Variants in CTNNBL1 observed in about 807,000 individuals in gnomAD.
The protein encoded by CTNNBL1 is beta-catenin-like protein 1.
A neutral mutation model predicts 72.7 loss-of-function variants in CTNNBL1; 31 were observed. The ratio of observed to expected loss-of-function variants is 0.43; its 90% CI spans 0.32 to 0.58. The LOEUF (loss-of-function observed/expected upper bound fraction) is 0.58. CTNNBL1 is among the 20% of genes least tolerant of loss of function. The pLI, the probability that CTNNBL1 is intolerant of heterozygous loss-of-function variation, is 0.08. For missense variants in CTNNBL1, 534 were observed against 725.1 expected (o/e 0.74, Z 3.03); for synonymous variants, 240 against 267.3 (o/e 0.90, Z 1.00).
chr20:37,868,921 C>G (rs528947001), intron 15 of CTNNBL1, among the ~76,000 whole-genome samples: 1 of 152,088 alleles, frequency 6.6e-6, no homozygotes, highest in Non-Finnish European at 1.5e-5. Context: ...ACCATGCCTC[C>G]GGGGATATTA....
intron 10 of CTNNBL1, among the ~76,000 whole-genome samples, chr20:37,779,733 G>A (rs1179546204): frequency 6.6e-6 from 1 of 152,096 alleles, no homozygotes; most frequent in Non-Finnish European, 1.5e-5. Flanking sequence ...TTTATTGAAA[G>A]CAGCGTATCA....
At chr20:37,729,199 A>T (rs1198339261) in intron 1 of CTNNBL1, among the ~76,000 whole-genome samples, 1 of 152,222 alleles carries the variant, frequency 6.6e-6, no homozygotes, top group East Asian at 1.9e-4. Flanking sequence ...GAATCTTGGT[A>T]GATTAGCAGT....
At chr20:37,713,547 T>G (rs1175919147) in intron 1 of CTNNBL1, among the ~76,000 whole-genome samples, 1 of 152,214 alleles carries the variant, frequency 6.6e-6, no homozygotes, top group African/African-American at 2.4e-5. Flanking sequence ...CTGAATGTAC[T>G]GAGCATAGCT....
intron 10 of CTNNBL1, among the ~76,000 whole-genome samples, chr20:37,789,886 A>G (rs2073708551): frequency 6.6e-6 from 1 of 152,218 alleles, no homozygotes. Flanking sequence ...TGTTCCAGTT[A>G]GAAAGAGAAG....
chr20:37,803,127 T>C (rs1600497589), intron 11 of CTNNBL1, 79 bp downstream of exon 11: 3 of 1,324,630 alleles, frequency 2.3e-6, no homozygotes, highest in East Asian at 2.4e-5. Flanking sequence ...TGAAAAATTC[T>C]GACGTGTTTG....
chr20:37,793,247 G>A (rs2073741596), intron 10 of CTNNBL1, among the ~76,000 whole-genome samples: 2 of 152,014 alleles, frequency 1.3e-5, no homozygotes. Flanking sequence ...CTGTAATTCG[G>A]GATATGTCTA....
chr20:37,713,446 G>A (rs1282268594), intron 1 of CTNNBL1, among the ~76,000 whole-genome samples: 1 of 152,210 alleles, frequency 6.6e-6, no homozygotes, highest in East Asian at 1.9e-4. Context: ...GGCGGTTGAG[G>A]AAGTCTTATT....
At chr20:37,865,257 C>T (rs182197280) in intron 15 of CTNNBL1, among the ~76,000 whole-genome samples, 7 of 152,198 alleles carry the variant, frequency 4.6e-5, no homozygotes, top group South Asian at 2.1e-4. Flanking sequence ...CTGACCATAG[C>T]GCAAAGCAGA....
intron 7 of CTNNBL1, among the ~76,000 whole-genome samples, chr20:37,775,417 A>T (rs1311133482): frequency 6.6e-6 from 1 of 152,186 alleles, no homozygotes; most frequent in Non-Finnish European, 1.5e-5. Flanking sequence ...CTCCTGGTTA[A>T]TGCAGTGTTC....
At chr20:37,711,751 G>C (rs894171271) in intron 1 of CTNNBL1, among the ~76,000 whole-genome samples, 1 of 151,840 alleles carries the variant, frequency 6.6e-6, no homozygotes, top group African/African-American at 2.4e-5. Context: ...CCAGACATAT[G>C]AAGAGCTGTG....
At chr20:37,860,829 A>T (rs919897105) in intron 15 of CTNNBL1, among the ~76,000 whole-genome samples, 9 of 152,186 alleles carry the variant, frequency 5.9e-5, no homozygotes, top group Admixed American at 5.9e-4. Context: ...TTTATAGTAT[A>T]TTGTTATAAT....
At chr20:37,718,099 G>T (rs1465740966) in intron 1 of CTNNBL1, among the ~76,000 whole-genome samples, 1 of 152,106 alleles carries the variant, frequency 6.6e-6, no homozygotes, top group Non-Finnish European at 1.5e-5. Context: ...TGTCATCATG[G>T]CCCGCTCTCA....
At chr20:37,788,717 G>A (rs144231344) in intron 10 of CTNNBL1, among the ~76,000 whole-genome samples, 340 of 152,320 alleles carry the variant, frequency 2.2e-3, no homozygotes, top group African/African-American at 7.7e-3. Context: ...ATCCTCCCAG[G>A]TATTTAGGAT....
At chr20:37,718,218 C>T (rs1250564069) in intron 1 of CTNNBL1, among the ~76,000 whole-genome samples, 4 of 149,098 alleles carry the variant, frequency 2.7e-5, no homozygotes, top group East Asian at 4.0e-4. Flanking sequence ...CGGGACGGGG[C>T]GGCTGGCCGG....
chr20:37,815,213 A>G (rs1241743302), intron 11 of CTNNBL1, among the ~76,000 whole-genome samples: 2 of 151,692 alleles, frequency 1.3e-5, no homozygotes, highest in African/African-American at 4.8e-5. Flanking sequence ...GCTAGACTAT[A>G]TTTTTAGAAG....
intron 1 of CTNNBL1, among the ~76,000 whole-genome samples, chr20:37,717,187 C>T (rs1556199): frequency 4.7e-4 from 72 of 152,218 alleles, no homozygotes; most frequent in Middle Eastern, 6.8e-3. Context: ...TGCAGTTTTA[C>T]GTTTTTAGTC....
intron 11 of CTNNBL1, among the ~76,000 whole-genome samples, chr20:37,809,962 C>T (rs1178344231): frequency 6.6e-6 from 1 of 151,796 alleles, no homozygotes; most frequent in African/African-American, 2.4e-5. Flanking sequence ...AATGAGTTAA[C>T]CAATTTATGG....
intron 10 of CTNNBL1, among the ~76,000 whole-genome samples, 159 bp downstream of exon 10, chr20:37,779,494 A>G (rs1226337883): frequency 6.6e-6 from 1 of 152,022 alleles, no homozygotes; most frequent in African/African-American, 2.4e-5. Context: ...GTGTTTGTAT[A>G]GGTATGTGGT....
chr20:37,729,321 C>T (rs2073110870), intron 1 of CTNNBL1, among the ~76,000 whole-genome samples: 1 of 152,172 alleles, frequency 6.6e-6, no homozygotes, highest in African/African-American at 2.4e-5. Flanking sequence ...CTGTTGACTA[C>T]TTCTCATTGC....
Sources: gnomAD v4.1 joint callset for allele counts (sites outside exome capture counted in the v4.1 genomes callset) on GRCh38, gnomAD v4.1.1 for gene constraint, MANE v1.5 for transcripts, NCBI Gene and HGNC (gene_info 2026-07-23, HGNC 2026-07-21) for gene names.